MYPN: variants seen among roughly 807,000 people sequenced by gnomAD.
The protein encoded by MYPN is sarcomeric protein myopalladin, 145 kDa (MYOP).
MYPN carries 63 observed loss-of-function variants against 129.4 expected under a neutral mutation model. That is an observed-to-expected ratio of 0.49 (90% CI 0.40 to 0.60). The LOEUF is 0.60. MYPN is among the 20% of genes least tolerant of loss of function. The pLI, the probability that MYPN is intolerant of heterozygous loss-of-function variation, is 0.00. For missense variants in MYPN, 1,596 were observed against 1,635.4 expected (o/e 0.98, Z 0.42); for synonymous variants, 629 against 600.9 (o/e 1.05, Z -0.68).
In MYPN at chr10:68,121,980, A is replaced by G; in HGVS notation, c.542A>G (p.His181Arg). The G allele has an allele frequency of 1.2e-6, 2 of 1,614,238 alleles. No homozygotes were observed. Among genetic ancestry groups the G allele is most frequent in the Non-Finnish European group, 1.7e-6 (2 of 1,180,042 alleles). The change falls in exon 2 of 20, where the codon CAC becomes CGC. Residue 181 changes from histidine (H) to arginine (R), a missense_variant. Transcript: ENST00000358913. ...KRIRPRACKN[H>R]KSKLESQNKV... ...ATTAGACCTCGTGCCTGCAAAAACC[A>G]CAAGAGTAAACTGGAATCTCAAAAC...
At chr10:68,195,425 A>G (rs1432105459) in intron 14 of MYPN, 25 bp from the exon 15 acceptor site, 2 of 1,607,204 alleles carry the variant, frequency 1.2e-6, no homozygotes, top group East Asian at 2.2e-5. Flanking sequence ...TCTTGTTTTA[A>G]TCTTGCTCTT....
chr10:68,174,822 C>G (rs1421551423), intron 11 of MYPN, among the ~76,000 whole-genome samples, 166 bp downstream of exon 11: 1 of 152,194 alleles, frequency 6.6e-6, no homozygotes, highest in African/African-American at 2.4e-5. Flanking sequence ...GGGATGATTA[C>G]TTTGAATGAT....
At chr10:68,156,966 G>T (rs141351107) in intron 6 of MYPN, among the ~76,000 whole-genome samples, 1 of 152,116 alleles carries the variant, frequency 6.6e-6, no homozygotes. Flanking sequence ...TACATGTGCC[G>T]AAAAAGCATT....
chr10:68,128,826 C>G (rs1032480388), intron 2 of MYPN, among the ~76,000 whole-genome samples: 20 of 152,104 alleles, frequency 1.3e-4, no homozygotes, highest in African/African-American at 4.1e-4. Flanking sequence ...AAAAGTGTCG[C>G]AGGCTGAGGG....
intron 15 of MYPN, 91 bp from the exon 16 acceptor site, chr10:68,197,261 C>T: frequency 5.5e-6 from 8 of 1,442,802 alleles, no homozygotes; most frequent in African/African-American, 1.4e-5. Flanking sequence ...AAAATCTGTT[C>T]TCTAGGTCTG....
chr10:68,174,897 G>A (rs546870959), intron 11 of MYPN, among the ~76,000 whole-genome samples: 213 of 152,258 alleles, frequency 1.4e-3, no homozygotes, highest in Non-Finnish European at 2.9e-3. Flanking sequence ...CACTTTGGGA[G>A]GCCGAGGAAG....
chr10:68,119,206 ATT>A (rs973594710), intron 1 of MYPN, among the ~76,000 whole-genome samples: 1 of 152,098 alleles, frequency 6.6e-6, no homozygotes, highest in Non-Finnish European at 1.5e-5. Context: ...TTCATATACT[ATT>A]TTGTGTATTA....
chr10:68,174,939 AGC>A (rs1473174789), intron 11 of MYPN, among the ~76,000 whole-genome samples: 2 of 152,082 alleles, frequency 1.3e-5, no homozygotes, highest in African/African-American at 4.8e-5. Flanking sequence ...GTTTGACAGC[AGC>A]CTGGGCAACA....
chr10:68,110,866 A>T (rs1264235602), intron 1 of MYPN, among the ~76,000 whole-genome samples: 1 of 152,212 alleles, frequency 6.6e-6, no homozygotes, highest in African/African-American at 2.4e-5. Flanking sequence ...TATATGGATA[A>T]TATACTTACA....
intron 13 of MYPN, among the ~76,000 whole-genome samples, chr10:68,192,463 TTGTTGTTGC>T (rs2043530553): frequency 1.3e-5 from 2 of 152,030 alleles, no homozygotes; most frequent in Non-Finnish European, 2.9e-5. Context: ...AGTTCTGTTG[TTGTTGTTGC>T]TGTTGTTGTT....
At chr10:68,122,617 G>A (rs968499272) in intron 2 of MYPN, among the ~76,000 whole-genome samples, 1 of 152,076 alleles carries the variant, frequency 6.6e-6, no homozygotes, top group African/African-American at 2.4e-5. Context: ...AAACATTATC[G>A]TAGGCTGGGC....
upstream of MYPN, chr10:68,106,533 G>T: frequency 1.6e-6 from 1 of 637,652 alleles, no homozygotes; most frequent in Non-Finnish European, 2.8e-6. Context: ...TCAAAAATAC[G>T]GCATAGAGGT....
At position 68,194,491 on chromosome 10, in the gene MYPN, C is replaced by T; in HGVS notation, c.3054C>T (p.Thr1018=). 6.2e-7 allele frequency: 1 copy of T among 1,613,742 alleles called. No individual in the cohort carries two copies. The highest frequency in any genetic ancestry group is 8.5e-7 in the Non-Finnish European group (1 of 1,179,832). ...STTSDDDGNY[T]IMAANPQGRI... ...CCAGTGATGACGATGGCAACTACAC[C>T]ATCATGGCAGCCAACCCCCAGGTGG... is the stretch of plus-strand genomic sequence containing the variant. The change falls in exon 14 of 20, where the codon ACC becomes ACT. Residue 1018 remains threonine, a synonymous_variant. Coordinates refer to ENST00000358913, the MANE Select transcript of MYPN (RefSeq NM_032578.4).
At chr10:68,145,047 G>A (rs550938777) in intron 3 of MYPN, among the ~76,000 whole-genome samples, 4 of 150,068 alleles carry the variant, frequency 2.7e-5, no homozygotes, top group South Asian at 2.1e-4. Flanking sequence ...TTTTTGAGAC[G>A]GAGTTTTGCT....
At chr10:68,113,711 G>A (rs1463276022) in intron 1 of MYPN, among the ~76,000 whole-genome samples, 8 of 143,460 alleles carry the variant, frequency 5.6e-5, no homozygotes, top group South Asian at 2.3e-4. Context: ...AAAAAAAAAA[G>A]ACACATTTAA....
intron 8 of MYPN, 197 bp from the exon 9 acceptor site, chr10:68,165,505 G>T: frequency 1.5e-6 from 1 of 674,002 alleles, no homozygotes; most frequent in South Asian, 1.5e-5. Flanking sequence ...TGGAGTTATT[G>T]TTTCTACATT....
chr10:68,133,732 T>C (rs910133590), intron 2 of MYPN, among the ~76,000 whole-genome samples: 3 of 151,692 alleles, frequency 2.0e-5, no homozygotes, highest in Admixed American at 1.3e-4. Flanking sequence ...TGTAGGTCAG[T>C]GCCTCCTGCT....
intron 6 of MYPN, among the ~76,000 whole-genome samples, chr10:68,152,486 A>C (rs1439699930): frequency 6.6e-6 from 1 of 152,138 alleles, no homozygotes; most frequent in Non-Finnish European, 1.5e-5. Flanking sequence ...CACGTTTATC[A>C]TGACAGTAAA....
At chr10:68,143,236 G>A in intron 3 of MYPN, 121 bp downstream of exon 3, 1 of 848,442 alleles carries the variant, frequency 1.2e-6, no homozygotes, top group Non-Finnish European at 1.9e-6. Flanking sequence ...ATACAGCAGT[G>A]AACCGAGTAG....
Sources: allele counts gnomAD v4.1 joint callset (sites outside exome capture counted in the v4.1 genomes callset), GRCh38; gene constraint gnomAD v4.1.1; transcripts MANE v1.5; gene names NCBI Gene and HGNC (gene_info 2026-07-23, HGNC 2026-07-21).